PEMT: variants seen among roughly 807,000 people sequenced by gnomAD.
PEMT encodes phosphatidylethanolamine N-methyltransferase.
Under a neutral mutation model 27.4 loss-of-function variants are expected in PEMT, and 23 were observed. The observed-to-expected ratio is 0.84, with a 90% CI of 0.60 to 1.19. The LOEUF is 1.19. Among genes scored for constraint, PEMT ranks in the 50% most tolerant of loss-of-function variants. The pLI, the probability that PEMT is intolerant of heterozygous loss-of-function variation, is 0.00. For missense variants in PEMT, 307 were observed against 310.1 expected (o/e 0.99, Z 0.07); for synonymous variants, 137 against 139.1 (o/e 0.98, Z 0.11).
At chr17:17,562,351 ACTATGAGGCTGACCACCG>A in intron 2 of PEMT, among the ~76,000 whole-genome samples, 1 of 152,178 alleles carries the variant, frequency 6.6e-6, no homozygotes, top group African/African-American at 2.4e-5. Context: ...GTTGATGATG[ACTATGAGGCTGACCACCG>A]TGACAGTCAC....
chr17:17,523,112 C>T lies in PEMT; in HGVS notation c.205-717G>A, dbSNP rs1907409158. 6.6e-6 allele frequency among the ~76,000 whole-genome samples: 1 copy of T among 152,178 alleles called. No homozygotes were observed. The highest frequency in any genetic ancestry group is 1.5e-5 in the Non-Finnish European group (1 of 68,032). On this transcript the variant is annotated intron_variant, in intron 2 of 6. Transcript: ENST00000255389. This position sits in a 1 kb window ranked among gnomAD's most constrained non-coding sequence, Gnocchi z 4.8. ...CCACAGTCCTGAGCTGGTTATCGCC[C>T]GGGCCTGGCCCAGCACACTGAGGAA...
intron 3 of PEMT, among the ~76,000 whole-genome samples, chr17:17,521,459 G>A (rs747215439): frequency 6.6e-6 from 1 of 152,040 alleles, no homozygotes; most frequent in Non-Finnish European, 1.5e-5. Flanking sequence ...AAGTGCAGTG[G>A]GCTGTGCCTC....
chr17:17,527,108 G>A (rs979363122), intron 2 of PEMT, among the ~76,000 whole-genome samples: 1 of 152,200 alleles, frequency 6.6e-6, no homozygotes, highest in African/African-American at 2.4e-5. Context: ...CGCAATCTCG[G>A]CTCACCACAA....
chr17:17,586,216 AAAAGAAAGAAAGAAAGAAAGAAAG>A lies in PEMT; in HGVS notation c.96+5291_96+5314del, dbSNP rs745534134. On this transcript the variant is annotated intron_variant, in intron 1 of 6. Coordinates refer to ENST00000255389, the MANE Select transcript of PEMT (RefSeq NM_148172.3). ...AAGGAAGGAAAGAAAGAAAGAAAGA[AAAAGAAAGAAAGAAAGAAAGAAAG>A]AAAGAAAGAAAGAAAGAAAGAAAGA... Among the ~76,000 whole-genome samples the A allele has an allele frequency of 1.6e-3, 130 of 79,324 alleles. 1 individual carries two copies. The highest frequency in any genetic ancestry group is 5.7e-3 in the African/African-American group (107 of 18,756). The allele number at this position is 79,324 out of a possible 152,430, so 52.0% of individuals were successfully genotyped here.
intron 2 of PEMT, among the ~76,000 whole-genome samples, chr17:17,535,895 C>G (rs940719720): frequency 6.6e-6 from 1 of 152,210 alleles, no homozygotes; most frequent in African/African-American, 2.4e-5. Flanking sequence ...GCTGTGTGAG[C>G]TCAGGCAGGT....
chr17:17,569,959 C>CTGCTCTT (rs1413830095), intron 2 of PEMT, among the ~76,000 whole-genome samples: 1 of 152,170 alleles, frequency 6.6e-6, no homozygotes, highest in Non-Finnish European at 1.5e-5. Context: ...CAAATGACTG[C>CTGCTCTT]TGCTCTTTAC....
At chr17:17,517,996 G>C (rs1906969460) in intron 3 of PEMT, 1 of 985,392 alleles carries the variant, frequency 1.0e-6, no homozygotes, top group African/African-American at 1.7e-5. Context: ...GAAGATTCCT[G>C]ATCGACAGCC....
chr17:17,557,478 C>T (rs4646370), intron 2 of PEMT, among the ~76,000 whole-genome samples: 95,869 of 152,158 alleles, frequency 0.63, 31,225 homozygotes, highest in African/African-American at 0.8. Context: ...GAGAAGCCCC[C>T]GCTGCCTCAG....
intron 2 of PEMT, among the ~76,000 whole-genome samples, chr17:17,568,757 G>A (rs972620772): frequency 5.9e-5 from 9 of 152,178 alleles, no homozygotes; most frequent in African/African-American, 2.2e-4. Context: ...CACTAAGGGT[G>A]GTAGGCAGGT....
At chr17:17,554,569 G>C (rs538705643) in intron 2 of PEMT, among the ~76,000 whole-genome samples, 22 of 152,346 alleles carry the variant, frequency 1.4e-4, no homozygotes, top group African/African-American at 5.3e-4. Flanking sequence ...GGTTTCATCA[G>C]TGACGGCCAG....
At chr17:17,535,039 T>C (rs1217176594) in intron 2 of PEMT, among the ~76,000 whole-genome samples, 1 of 151,732 alleles carries the variant, frequency 6.6e-6, no homozygotes, top group Non-Finnish European at 1.5e-5. Context: ...GCCTCCAGAG[T>C]AGCTGCGATT....
chr17:17,563,789 A>G (rs1282768194), intron 2 of PEMT, among the ~76,000 whole-genome samples: 4 of 152,144 alleles, frequency 2.6e-5, no homozygotes, highest in Non-Finnish European at 5.9e-5. Context: ...AAGAACGCAC[A>G]TGGCCAGGTC....
chr17:17,517,585 C>T (rs1906935721), intron 3 of PEMT, among the ~76,000 whole-genome samples: 1 of 152,250 alleles, frequency 6.6e-6, no homozygotes, highest in Non-Finnish European at 1.5e-5. Context: ...CAGAGGGCCA[C>T]CTGTGCCAGC....
intron 2 of PEMT, among the ~76,000 whole-genome samples, chr17:17,538,264 C>T (rs1359706561): frequency 3.9e-5 from 6 of 152,230 alleles, no homozygotes; most frequent in South Asian, 2.1e-4. Flanking sequence ...TGGCCACCAG[C>T]GGCAAAGAGA....
chr17:17,576,298 T>C (rs1409656608), intron 2 of PEMT, among the ~76,000 whole-genome samples: 2 of 152,114 alleles, frequency 1.3e-5, no homozygotes, highest in African/African-American at 4.8e-5. Context: ...TCCCATGCAG[T>C]CCACCCACCC....
chr17:17,521,728 G>A (rs1236709046), intron 3 of PEMT, among the ~76,000 whole-genome samples: 2 of 152,046 alleles, frequency 1.3e-5, no homozygotes, highest in African/African-American at 2.4e-5. Context: ...CACCATGCCC[G>A]GCTAATTTTT....
chr17:17,519,544 C>T (rs1907111198), intron 3 of PEMT, among the ~76,000 whole-genome samples: 2 of 152,156 alleles, frequency 1.3e-5, no homozygotes, highest in African/African-American at 4.8e-5. Flanking sequence ...CTGCTGTCTA[C>T]GGCTGGAACT....
chr17:17,542,343 C>T (rs945731606), intron 2 of PEMT, among the ~76,000 whole-genome samples: 3 of 152,228 alleles, frequency 2.0e-5, no homozygotes, highest in Admixed American at 1.3e-4. Flanking sequence ...ATTGAGCTCC[C>T]GCTCAGTTAA....
chr17:17,545,377 A>G (rs4646385), intron 2 of PEMT, among the ~76,000 whole-genome samples: 70,981 of 152,036 alleles, frequency 0.47, 17,168 homozygotes, highest in Non-Finnish European at 0.55. Context: ...TGCTCCTCAC[A>G]GTGTTCCTGC....
Sources: allele counts gnomAD v4.1 joint callset (sites outside exome capture counted in the v4.1 genomes callset), GRCh38; gene constraint gnomAD v4.1.1; non-coding constraint Gnocchi (gnomAD v3.1); transcripts MANE v1.5; gene names NCBI Gene and HGNC (gene_info 2026-07-23, HGNC 2026-07-21).